EIF2B3: variants seen among roughly 807,000 people sequenced by gnomAD.
EIF2B3 encodes eukaryotic translation initiation factor 2B subunit gamma.
EIF2B3 carries 20 observed loss-of-function variants against 54.1 expected under a neutral mutation model. That is an observed-to-expected ratio of 0.37 (90% CI 0.26 to 0.54). The LOEUF (loss-of-function observed/expected upper bound fraction) is 0.54. Ranked by LOEUF, EIF2B3 falls within the 20% of genes least tolerant of loss-of-function variation. The pLI is 0.86. For synonymous variants in EIF2B3, 153 were observed against 188.1 expected, an observed-to-expected ratio of 0.81 and a Z score of 1.52; for missense variants, 448 against 547.8, an observed-to-expected ratio of 0.82 and a Z score of 1.82.
At position 44,978,304 on chromosome 1, in the gene EIF2B3, T is replaced by C. The variant is rs910289205; in HGVS notation, c.294+11A>G. On this transcript the variant is annotated intron_variant, in intron 3 of 11. Coordinates refer to ENST00000360403, the MANE Select transcript of EIF2B3 (RefSeq NM_020365.5). ...TCAATAAACAAGAAGAGTCAAAAAATTGCTTTTCACCTTAAGTTTTGGATA... is the reference window on the plus strand; with the variant it reads ...TCAATAAACAAGAAGAGTCAAAAAACTGCTTTTCACCTTAAGTTTTGGATA... 3 of 1,613,856 alleles carry C rather than the reference T, an allele frequency of 1.9e-6. No homozygotes were observed. Among genetic ancestry groups the C allele is most frequent in the Admixed American group, 1.7e-5 (1 of 59,990 alleles).
intron 3 of EIF2B3, among the ~76,000 whole-genome samples, chr1:44,960,068 A>G (rs1415061990): frequency 4.6e-5 from 7 of 152,128 alleles, no homozygotes; most frequent in Non-Finnish European, 8.8e-5. Flanking sequence ...ATATTTATGT[A>G]TTTACCTTCA....
intron 8 of EIF2B3, among the ~76,000 whole-genome samples, chr1:44,879,214 C>T (rs1232409553): frequency 6.6e-6 from 1 of 152,184 alleles, no homozygotes; most frequent in African/African-American, 2.4e-5. Context: ...TCTCCACCCC[C>T]TGCCTTCATT....
At chr1:44,870,114 G>A (rs1654915552) in intron 10 of EIF2B3, among the ~76,000 whole-genome samples, 1 of 151,844 alleles carries the variant, frequency 6.6e-6, no homozygotes, top group Non-Finnish European at 1.5e-5. Flanking sequence ...TGAGGCTGCG[G>A]TGAGCCATGA....
At chr1:44,933,085 A>G (rs1346465319) in intron 4 of EIF2B3, among the ~76,000 whole-genome samples, 2 of 152,200 alleles carry the variant, frequency 1.3e-5, no homozygotes, top group Admixed American at 1.3e-4. Flanking sequence ...AATTGAGAGG[A>G]CATCTAGTGT....
chr1:44,926,038 G>A (rs964679191), intron 5 of EIF2B3, among the ~76,000 whole-genome samples: 2 of 151,664 alleles, frequency 1.3e-5, no homozygotes, highest in African/African-American at 4.8e-5. Context: ...GACCAGCCTG[G>A]CCAACATGGT....
chr1:44,967,750 A>G (rs1438691436), intron 3 of EIF2B3, among the ~76,000 whole-genome samples: 1 of 150,144 alleles, frequency 6.7e-6, no homozygotes, highest in Non-Finnish European at 1.5e-5. Flanking sequence ...AAAAAAAAAA[A>G]AAAAAAAAAG....
chr1:44,961,282 A>G (rs1445453282), intron 3 of EIF2B3, among the ~76,000 whole-genome samples: 2 of 146,406 alleles, frequency 1.4e-5, no homozygotes, highest in Non-Finnish European at 3.0e-5. Flanking sequence ...ATGCCACTGC[A>G]CTCCAACCTG....
intron 8 of EIF2B3, among the ~76,000 whole-genome samples, chr1:44,877,632 C>T (rs537851540): frequency 1.3e-5 from 2 of 152,250 alleles, no homozygotes; most frequent in Admixed American, 6.5e-5. Flanking sequence ...GGCATCTATC[C>T]CCCAGCCAAA....
intron 8 of EIF2B3, among the ~76,000 whole-genome samples, chr1:44,877,804 T>C (rs1655244930): frequency 6.6e-6 from 1 of 152,164 alleles, no homozygotes; most frequent in African/African-American, 2.4e-5. Context: ...CAGAGCACTG[T>C]GCGTGGCAGC....
In EIF2B3 at chr1:44,922,836, A is replaced by ATTTTTTTTTTTTTTTTTTTTTTTTTTT. The variant is rs386366852; in HGVS notation, c.566+3765_566+3791dup. Among the ~76,000 whole-genome samples the ATTTTTTTTTTTTTTTTTTTTTTTTTTT allele has an allele frequency of 7.1e-5, 4 of 56,656 alleles. 1 individual carries two copies. The highest frequency in any genetic ancestry group is 6.9e-5 in the African/African-American group (1 of 14,532). 37.2% of individuals were successfully genotyped at this position (56,656 alleles called of 152,430 possible). A position where few individuals can be genotyped will look rare whatever the true frequency, so the allele number is the denominator to read the frequency against. On this transcript the variant is annotated intron_variant, in intron 5 of 11. Coordinates refer to ENST00000360403, the MANE Select transcript of EIF2B3 (RefSeq NM_020365.5). Reference sequence around the variant, plus strand: ...ATTACTTTCTTGATTTCTTTTTCAGATTTTTTTTTTTTTTTTTTTTTTTTT... The same window carrying ATTTTTTTTTTTTTTTTTTTTTTTTTTT: ...ATTACTTTCTTGATTTCTTTTTCAGATTTTTTTTTTTTTTTTTTTTTTTTTTTTTTTTTTTTTTTTTTTTTTTTTTTT...
At chr1:44,974,876 T>C (rs1181236623) in intron 3 of EIF2B3, among the ~76,000 whole-genome samples, 1 of 152,112 alleles carries the variant, frequency 6.6e-6, no homozygotes, top group Non-Finnish European at 1.5e-5. Context: ...TACAATATCA[T>C]TAAAAATATT....
Position 44,862,175 on chromosome 1 carries a change from A to C in EIF2B3, c.1203-4368T>G, listed in dbSNP as rs1654628046. Reference sequence around the variant, plus strand: ...AGAGCTTGTTCCAGACTAGAATTACAGCTTCTGCATCCTAGTTTTAACTCT... The same window carrying C: ...AGAGCTTGTTCCAGACTAGAATTACCGCTTCTGCATCCTAGTTTTAACTCT... On this transcript the variant is annotated intron_variant, in intron 10 of 11. Coordinates refer to ENST00000360403, the MANE Select transcript of EIF2B3 (RefSeq NM_020365.5). Among the ~76,000 whole-genome samples the C allele has an allele frequency of 3.9e-5, 6 of 152,304 alleles. No individual in the cohort carries two copies. In the South Asian group the frequency reaches 1.0e-3, roughly 26 times the overall value.
chr1:44,880,769 T>C (rs1655366712), intron 7 of EIF2B3, among the ~76,000 whole-genome samples: 1 of 152,116 alleles, frequency 6.6e-6, no homozygotes, highest in African/African-American at 2.4e-5. Flanking sequence ...GATACCATCC[T>C]GGCTAACACA....
chr1:44,857,012 C>T (rs182427744), intron 11 of EIF2B3, among the ~76,000 whole-genome samples: 1 of 152,092 alleles, frequency 6.6e-6, no homozygotes, highest in Admixed American at 6.6e-5. Flanking sequence ...GCTATGTTGT[C>T]TAGGCTCAAG....
chr1:44,894,829 G>A (rs1427498378), intron 6 of EIF2B3, among the ~76,000 whole-genome samples: 1 of 152,028 alleles, frequency 6.6e-6, no homozygotes, highest in African/African-American at 2.4e-5. Context: ...TTGCCAGGTT[G>A]TATCATTGCT....
chr1:44,914,775 G>A (rs944259873), intron 5 of EIF2B3, among the ~76,000 whole-genome samples: 5 of 151,848 alleles, frequency 3.3e-5, no homozygotes, highest in Non-Finnish European at 5.9e-5. Context: ...TGCTAGCTCC[G>A]CCACCCTGTT....
chr1:44,851,053 A>T (rs1189278682), intron 11 of EIF2B3, 50 bp from the exon 12 acceptor site: 1 of 1,588,618 alleles, frequency 6.3e-7, no homozygotes, highest in Non-Finnish European at 8.6e-7. Context: ...GCAAGATGAC[A>T]TTTCAAACCC....
At chr1:44,873,479 AAT>A (rs1655025742) in intron 10 of EIF2B3, among the ~76,000 whole-genome samples, 2 of 152,054 alleles carry the variant, frequency 1.3e-5, no homozygotes, top group Non-Finnish European at 2.9e-5. Context: ...TCATCCTTTC[AAT>A]AGAGTTATAG....
rs371066479 is a variant in EIF2B3, at chr1:44,952,715, G to A, written c.295-11050C>T. 1.3e-4 allele frequency among the ~76,000 whole-genome samples: 19 copies of A among 151,820 alleles called. No homozygotes were observed. The East Asian group carries it at 2.9e-3, about 23-fold the overall frequency. On this transcript the variant is annotated intron_variant, in intron 3 of 11. Coordinates refer to ENST00000360403, the MANE Select transcript of EIF2B3 (RefSeq NM_020365.5). ...CTACAGGCGCCCGCCACCACGCCCG[G>A]CTAATTTTTTGTATTTTTAGTAGAG...
Sources: allele counts gnomAD v4.1 joint callset (sites outside exome capture counted in the v4.1 genomes callset), GRCh38; gene constraint gnomAD v4.1.1; transcripts MANE v1.5; gene names NCBI Gene and HGNC (gene_info 2026-07-23, HGNC 2026-07-21).